The following RHAG variants were observed in gnomAD, a reference collection of about 807,000 sequenced individuals.
The protein encoded by RHAG is Rh associated glycoprotein, also known as ammonium transporter Rh type A.
In RHAG, 25 loss-of-function variants were observed where a neutral mutation model predicts 42.4. The observed-to-expected ratio is 0.59, with a 90% CI of 0.43 to 0.82. The LOEUF (loss-of-function observed/expected upper bound fraction) is 0.82, where lower values mean the gene tolerates loss of function less well. Ranked by LOEUF, RHAG falls within the 40% of genes least tolerant of loss-of-function variation. RHAG has a pLI of 0.00. For synonymous variants in RHAG, 182 were observed against 177.7 expected, an observed-to-expected ratio of 1.02 and a Z score of -0.19; for missense variants, 483 against 504.6, an observed-to-expected ratio of 0.96 and a Z score of 0.41.
intron 1 of RHAG, among the ~76,000 whole-genome samples, chr6:49,620,645 C>T (rs1430555595): frequency 6.6e-6 from 1 of 152,106 alleles, no homozygotes; most frequent in East Asian, 1.9e-4. Context: ...AATTCTCCTG[C>T]CTCAGCCTCC....
intron 2 of RHAG, among the ~76,000 whole-genome samples, 197 bp from the exon 3 acceptor site, chr6:49,618,415 C>A (rs1318642832): frequency 6.6e-6 from 1 of 152,176 alleles, no homozygotes; most frequent in African/African-American, 2.4e-5. Flanking sequence ...CCTTTTATCT[C>A]ATTTAGGGTT....
chr6:49,636,281 ACTCT>A (rs1763008692), intron 1 of RHAG, among the ~76,000 whole-genome samples: 1 of 151,804 alleles, frequency 6.6e-6, no homozygotes, highest in Non-Finnish European at 1.5e-5. Flanking sequence ...CATTCTTAGA[ACTCT>A]CTCTCCTCCA....
intron 1 of RHAG, among the ~76,000 whole-genome samples, chr6:49,624,559 G>A (rs1290147230): frequency 6.6e-6 from 1 of 152,212 alleles, no homozygotes; most frequent in Non-Finnish European, 1.5e-5. Flanking sequence ...TTAGCTCTAT[G>A]CTAGCTAGTA....
intron 2 of RHAG, 88 bp downstream of exon 2, chr6:49,619,091 C>A: frequency 6.9e-7 from 1 of 1,438,998 alleles, no homozygotes; most frequent in Non-Finnish European, 9.7e-7. Context: ...CAGTCCCCCA[C>A]CTCTTAATAT....
intron 1 of RHAG, among the ~76,000 whole-genome samples, chr6:49,632,720 T>A (rs1762952195): frequency 6.6e-6 from 1 of 152,146 alleles, no homozygotes; most frequent in Non-Finnish European, 1.5e-5. Flanking sequence ...ATCATTAATA[T>A]GATTTTAATG....
chr6:49,621,143 G>T lies in RHAG; in HGVS notation c.158-1781C>A, dbSNP rs553506326. Among the ~76,000 whole-genome samples, 6 of 152,248 alleles carry T rather than the reference G, an allele frequency of 3.9e-5. No individual in the cohort carries two copies. In the South Asian group the frequency reaches 1.2e-3, roughly 32 times the overall value. ...AGGCTCAGGGGCTAGTGTGTTGAGG[G>T]TAAGAGACTGTGGTACACTACTCAG... On this transcript the variant is annotated intron_variant, in intron 1 of 9. Coordinates refer to ENST00000371175, the MANE Select transcript of RHAG (RefSeq NM_000324.3).
intron 1 of RHAG, 142 bp from the exon 2 acceptor site, chr6:49,619,504 C>T: frequency 1.2e-6 from 1 of 861,868 alleles, no homozygotes. Context: ...AAGCAAAAGT[C>T]TTGTTCCAAT....
intron 1 of RHAG, among the ~76,000 whole-genome samples, chr6:49,619,579 G>A (rs948523755): frequency 6.6e-6 from 1 of 152,052 alleles, no homozygotes; most frequent in East Asian, 1.9e-4. Flanking sequence ...GCTTTTTATT[G>A]GGAAGACTAT....
intron 9 of RHAG, 44 bp from the exon 10 acceptor site, chr6:49,605,874 T>C (rs745935657): frequency 1.3e-6 from 2 of 1,527,962 alleles, no homozygotes; most frequent in Non-Finnish European, 1.8e-6. Flanking sequence ...TTTATTTCAC[T>C]GTTCTTGTCA....
intron 1 of RHAG, among the ~76,000 whole-genome samples, chr6:49,633,819 C>T (rs756952115): frequency 2.0e-5 from 3 of 152,066 alleles, no homozygotes; most frequent in Admixed American, 6.6e-5. Context: ...AATCTTGCTT[C>T]GTTTACAGCC....
At chr6:49,620,744 T>A (rs373768726) in intron 1 of RHAG, among the ~76,000 whole-genome samples, 1 of 152,194 alleles carries the variant, frequency 6.6e-6, no homozygotes, top group African/African-American at 2.4e-5. Context: ...TTGGCCAGGC[T>A]GGTCTCAAAC....
At chr6:49,620,006 A>T (rs554521052) in intron 1 of RHAG, among the ~76,000 whole-genome samples, 37 of 152,356 alleles carry the variant, frequency 2.4e-4, no homozygotes, top group African/African-American at 8.9e-4. Context: ...ACCAGCCACG[A>T]AAATCTTACC....
chr6:49,615,769 G>C lies in RHAG; in HGVS notation c.495C>G (p.Ala165=). 2 of 1,614,046 alleles carry C rather than the reference G, an allele frequency of 1.2e-6. No homozygotes were observed. Among genetic ancestry groups the C allele is most frequent in the Non-Finnish European group, 1.7e-6 (2 of 1,179,952 alleles). Residue 165 remains alanine, a splice_region_variant and synonymous_variant, in exon 4 of 10, where the codon GCC becomes GCG. Coordinates refer to ENST00000371175, the MANE Select transcript of RHAG (RefSeq NM_000324.3). ...TCGTCATTGATGCTCCAATGTCAGA[G>C]GCCTGAGGGACAAAATAGCATTCAC... ...NEYLVSEIFK[A]SDIGASMTIH...
At position 49,606,947 on chromosome 6, in the gene RHAG, C is replaced by G. The variant is rs899983175; in HGVS notation, c.1139-26G>C. The stretch of plus-strand genomic sequence containing the variant: ...CTGTGACGGTAGAGGGAAAATGAGT[C>G]ATGTTGTGACGCTGAAGAGGAAAAT... On this transcript the variant is annotated intron_variant, in intron 8 of 9. Coordinates refer to ENST00000371175, the MANE Select transcript of RHAG (RefSeq NM_000324.3). The G allele has an allele frequency of 2.0e-6, 3 of 1,535,268 alleles. No individual in the cohort carries two copies. In the African/African-American group the frequency reaches 4.1e-5, roughly 21 times the overall value.
chr6:49,635,595 G>T (rs1762998556), intron 1 of RHAG, among the ~76,000 whole-genome samples: 1 of 152,026 alleles, frequency 6.6e-6, no homozygotes, highest in Non-Finnish European at 1.5e-5. Flanking sequence ...AGACATCTAT[G>T]CAGTGTAAAG....
intron 7 of RHAG, 23 bp from the exon 8 acceptor site, chr6:49,607,243 A>C (rs1471524893): frequency 1.3e-6 from 2 of 1,599,974 alleles, no homozygotes; most frequent in East Asian, 4.5e-5. Context: ...ACAAAAAAGA[A>C]TCAGTGTCTT....
At chr6:49,617,959 G>A (rs780204336) in intron 3 of RHAG, 109 bp downstream of exon 3, 25 of 918,092 alleles carry the variant, frequency 2.7e-5, no homozygotes, top group Admixed American at 4.0e-5. Flanking sequence ...TATTTGCTAC[G>A]GTATCACTCT....
rs145988109 is a variant in RHAG at position 49,612,320 on chromosome 6, CT to C, written c.945+76del. The C allele has an allele frequency of 0.034, 51,186 of 1,493,964 alleles. 1,429 individuals carry two copies. Among genetic ancestry groups the C allele is most frequent in the African/African-American group, 0.1 (7,268 of 72,174 alleles). 92.5% of individuals were successfully genotyped at this position (1,493,964 alleles called of 1,614,324 possible). On this transcript the variant is annotated intron_variant, in intron 6 of 9. Transcript: ENST00000371175. ...ATGTTTATAAAATAAAACTTAGTAG[CT>C]TTTTTTCTGCTGGTGGGACATGTGA...
At chr6:49,627,293 C>A (rs533915171) in intron 1 of RHAG, among the ~76,000 whole-genome samples, 1 of 152,116 alleles carries the variant, frequency 6.6e-6, no homozygotes, top group Non-Finnish European at 1.5e-5. Flanking sequence ...ACTAGATACC[C>A]TAAATCATCT....
Sources: allele counts gnomAD v4.1 joint callset (sites outside exome capture counted in the v4.1 genomes callset), GRCh38; gene constraint gnomAD v4.1.1; transcripts MANE v1.5; gene names NCBI Gene and HGNC (gene_info 2026-07-23, HGNC 2026-07-21).